Variants in PCDHGB3 observed in about 807,000 individuals in gnomAD.
PCDHGB3 encodes the protein protocadherin gamma subfamily B, 3.
Under a neutral mutation model 59.2 loss-of-function variants are expected in PCDHGB3, and 40 were observed. The ratio of observed to expected loss-of-function variants is 0.68; its 90% CI spans 0.52 to 0.88. The LOEUF (loss-of-function observed/expected upper bound fraction) is 0.88. PCDHGB3 is among the 40% of genes least tolerant of loss of function. The pLI, the probability that PCDHGB3 is intolerant of heterozygous loss-of-function variation, is 0.00. For missense variants in PCDHGB3, 1,309 were observed against 1,187.9 expected (o/e 1.10, Z -1.50); for synonymous variants, 581 against 503.6 (o/e 1.15, Z -2.06).
chr5:141,399,527 T>A (rs781680585), intron 1 of PCDHGB3: 2 of 1,614,016 alleles, frequency 1.2e-6, no homozygotes, highest in East Asian at 2.2e-5. Context: ...GGGGCCTCCA[T>A]CGCGCAAGTC....
chr5:141,404,387 C>A, intron 1 of PCDHGB3: 1 of 1,613,874 alleles, frequency 6.2e-7, no homozygotes, highest in Non-Finnish European at 8.5e-7. Context: ...TGCCTATGAC[C>A]CTGATAGCAA....
At chr5:141,405,232 C>T (rs779259588) in intron 1 of PCDHGB3, 8 of 1,613,990 alleles carry the variant, frequency 5.0e-6, no homozygotes, top group Middle Eastern at 1.6e-4. Flanking sequence ...TCTCCCTCAC[C>T]GCTGACTCAA....
intron 1 of PCDHGB3, among the ~76,000 whole-genome samples, chr5:141,457,289 G>A (rs907200077): frequency 2.0e-5 from 3 of 152,146 alleles, no homozygotes; most frequent in Non-Finnish European, 4.4e-5. Context: ...GAAGTTCCTT[G>A]GTTTTATTTT....
At chr5:141,506,191 C>T (rs932500250) in intron 3 of PCDHGB3, among the ~76,000 whole-genome samples, 8 of 152,182 alleles carry the variant, frequency 5.3e-5, no homozygotes, top group African/African-American at 1.9e-4. Flanking sequence ...TGGCTCACGC[C>T]TGTAATCCCA....
intron 1 of PCDHGB3, chr5:141,374,411 G>T: frequency 6.2e-7 from 1 of 1,614,036 alleles, no homozygotes. Flanking sequence ...TAACATCCTT[G>T]TCGAGGATAA....
intron 1 of PCDHGB3, chr5:141,415,740 G>GTTTTTTTT (rs57426385): frequency 1.3e-4 from 79 of 625,006 alleles, no homozygotes; most frequent in African/African-American, 1.8e-4. Flanking sequence ...GTTTATTAAG[G>GTTTTTTTT]TTTTTTTTTT....
At chr5:141,394,419 G>C in intron 1 of PCDHGB3, 1 of 1,614,224 alleles carries the variant, frequency 6.2e-7, no homozygotes, top group East Asian at 2.2e-5. Context: ...AACAGCCAGC[G>C]ACAGCGGGGA....
chr5:141,396,830 G>A (rs1014090361), intron 1 of PCDHGB3, among the ~76,000 whole-genome samples: 1 of 152,198 alleles, frequency 6.6e-6, no homozygotes, highest in African/African-American at 2.4e-5. Context: ...TGCATATTCA[G>A]TGGAGTGGGA....
chr5:141,374,815 G>T, intron 1 of PCDHGB3: 1 of 1,613,934 alleles, frequency 6.2e-7, no homozygotes, highest in Non-Finnish European at 8.5e-7. Context: ...TGTTTACTCA[G>T]CCTGTCTACC....
In PCDHGB3 at chr5:141,491,410, G is replaced by T. The variant is rs777207581; in HGVS notation, c.2416-3397G>T. On this transcript the variant is annotated intron_variant, in intron 1 of 3. Transcript: ENST00000576222. The surrounding 1 kb of genome is among the most constrained non-coding windows in gnomAD (Gnocchi z 6.9). ...GTGCCTTCAGGGAAACGCAGACGGG[G>T]ACGGGGGTGGAGGGCAGTGCTGCAG... 28 of 1,614,142 alleles carry T rather than the reference G, an allele frequency of 1.7e-5. No individual in the cohort carries two copies. The highest frequency in any genetic ancestry group is 2.4e-5 in the Non-Finnish European group (28 of 1,180,034).
Position 141,370,476 on chromosome 5 carries a change from G to A in PCDHGB3, c.82G>A (p.Ala28Thr). The A allele has an allele frequency of 6.2e-7, 1 of 1,613,686 alleles. No homozygotes were observed. The highest frequency in any genetic ancestry group is 8.5e-7 in the Non-Finnish European group (1 of 1,179,780). Reference protein sequence around the residue: ...FLFLLSLLDQALSEPIRYAIP... With the variant: ...FLFLLSLLDQTLSEPIRYAIP... ...CTTCCTGCTCTCTTTGTTAGACCAG[G>A]CTCTCTCCGAACCGATCCGCTACGC... The change falls in exon 1 of 4, where the codon GCT (alanine) becomes ACT (threonine). Residue 28 changes from alanine to threonine, a missense_variant. Ala to Thr is a moderately conservative substitution (Grantham distance 58). Coordinates refer to ENST00000576222, the MANE Select transcript of PCDHGB3 (RefSeq NM_018924.5).
At chr5:141,400,467 ATCTGGGGCCTTATT>A in intron 1 of PCDHGB3, 1 of 1,614,042 alleles carries the variant, frequency 6.2e-7, no homozygotes, top group Non-Finnish European at 8.5e-7. Flanking sequence ...GTGGTGATTC[ATCTGGGGCCTTATT>A]TCCACTTTGT....
intron 1 of PCDHGB3, chr5:141,417,924 T>C (rs1197566429): frequency 1.9e-6 from 3 of 1,609,340 alleles, no homozygotes; most frequent in Admixed American, 1.7e-5. Flanking sequence ...CCTTTGCTGC[T>C]GCCTTTGTTC....
In PCDHGB3 at chr5:141,490,803, C is replaced by A; in HGVS notation, c.2416-4004C>A. The A allele has an allele frequency of 6.2e-7, 1 of 1,613,956 alleles. No homozygotes were observed. Among genetic ancestry groups the A allele is most frequent in the South Asian group, 1.1e-5 (1 of 91,080 alleles). On this transcript the variant is annotated intron_variant, in intron 1 of 3. Transcript: ENST00000576222. The surrounding 1 kb of genome is among the most constrained non-coding windows in gnomAD (Gnocchi z 5.4). ...ATGGACGGATCTTTGCCCAGCGTAC[C>A]TTTGACTATGAATTGCTGCAGATGC...
intron 3 of PCDHGB3, 96 bp downstream of exon 3, chr5:141,505,577 G>C: frequency 2.5e-6 from 4 of 1,589,854 alleles, no homozygotes; most frequent in Non-Finnish European, 3.4e-6. Flanking sequence ...TGTCAAACCT[G>C]TGTAGTTTCT....
chr5:141,478,604 T>C (rs1425759709), intron 1 of PCDHGB3: 2 of 1,562,580 alleles, frequency 1.3e-6, no homozygotes, highest in South Asian at 2.3e-5. Context: ...CTACATCATA[T>C]TGAGGAAGGA....
At position 141,511,983 on chromosome 5, in the gene PCDHGB3, G is replaced by A. The variant is rs904146751; in HGVS notation, c.*810G>A. 6.5e-6 allele frequency: 1 copy of A among 153,280 alleles called. No homozygotes were observed. The highest frequency in any genetic ancestry group is 1.5e-5 in the Non-Finnish European group (1 of 68,572). The allele number at this position is 153,280 out of a possible 1,614,324, so 9.5% of individuals were successfully genotyped here. A position where few individuals can be genotyped will look rare whatever the true frequency, so the allele number is the denominator to read the frequency against. ...AGGGAAGTGTGTGGATGTGGATGGT[G>A]GGGGCATGGACAAAGCTTGACACAT... On this transcript the variant is annotated 3_prime_UTR_variant, in exon 4 of 4. Coordinates refer to ENST00000576222, the MANE Select transcript of PCDHGB3 (RefSeq NM_018924.5).
intron 1 of PCDHGB3, among the ~76,000 whole-genome samples, chr5:141,445,318 G>T (rs182520609): frequency 2.0e-4 from 30 of 152,306 alleles, no homozygotes; most frequent in African/African-American, 7.2e-4. Context: ...TAGGTTGAGA[G>T]AACCCATCCA....
At chr5:141,396,683 T>G (rs1445621329) in intron 1 of PCDHGB3, 1 of 152,136 alleles carries the variant, frequency 6.6e-6, no homozygotes, top group Non-Finnish European at 1.5e-5. Context: ...ATTGTATTCC[T>G]GCATACCTTC....
Sources: allele counts gnomAD v4.1 joint callset (sites outside exome capture counted in the v4.1 genomes callset), GRCh38; gene constraint gnomAD v4.1.1; non-coding constraint Gnocchi (gnomAD v3.1); transcripts MANE v1.5; gene names NCBI Gene and HGNC (gene_info 2026-07-23, HGNC 2026-07-21).